Variants in ADGRB3 observed in about 807,000 individuals in gnomAD.
ADGRB3 encodes the protein adhesion G protein-coupled receptor B3.
Under a neutral mutation model 193.4 loss-of-function variants are expected in ADGRB3, and 37 were observed. That is an observed-to-expected ratio of 0.19 (90% confidence interval 0.15 to 0.25). The LOEUF (loss-of-function observed/expected upper bound fraction) is 0.25. Among genes scored for constraint, ADGRB3 ranks in the 10% least tolerant of loss-of-function variants. ADGRB3 has a pLI of 1.00. For synonymous variants in ADGRB3, 690 were observed against 644.2 expected (o/e 1.07, Z -1.08); for missense variants, 1,637 against 1,852.9 (o/e 0.88, Z 2.14).
At chr6:69,177,275 T>C (rs1775452723) in intron 17 of ADGRB3, among the ~76,000 whole-genome samples, 1 of 152,246 alleles carries the variant, frequency 6.6e-6, no homozygotes, top group Non-Finnish European at 1.5e-5. Flanking sequence ...TAAACTTTGC[T>C]CTTTGCTCTT....
At chr6:69,292,791 C>T (rs1767717763) in intron 20 of ADGRB3, among the ~76,000 whole-genome samples, 1 of 151,940 alleles carries the variant, frequency 6.6e-6, no homozygotes, top group Non-Finnish European at 1.5e-5. Flanking sequence ...CATATGTATA[C>T]ATGTGCCATG....
chr6:69,317,667 A>G (rs1307782040), intron 20 of ADGRB3, among the ~76,000 whole-genome samples: 1 of 151,468 alleles, frequency 6.6e-6, no homozygotes, highest in Non-Finnish European at 1.5e-5. Flanking sequence ...ATAAGCAGGT[A>G]GGCTATAACT....
chr6:69,255,481 T>C (rs1766741098), intron 20 of ADGRB3, among the ~76,000 whole-genome samples: 1 of 152,202 alleles, frequency 6.6e-6, no homozygotes. Flanking sequence ...TTTTTTCATG[T>C]GTTTTTTGGC....
At chr6:69,017,808 A>G (rs1054504343) in intron 12 of ADGRB3, among the ~76,000 whole-genome samples, 4 of 151,978 alleles carry the variant, frequency 2.6e-5, no homozygotes, top group African/African-American at 9.7e-5. Context: ...CAATAATCCC[A>G]TAAGTGTGTT....
intron 20 of ADGRB3, among the ~76,000 whole-genome samples, chr6:69,263,564 T>G (rs543924997): frequency 6.6e-6 from 1 of 152,014 alleles, no homozygotes; most frequent in Non-Finnish European, 1.5e-5. Flanking sequence ...TTGCCTCATG[T>G]GCAAGTCTTG....
intron 17 of ADGRB3, among the ~76,000 whole-genome samples, chr6:69,222,864 G>C (rs1765927687): frequency 6.6e-6 from 1 of 152,004 alleles, no homozygotes; most frequent in Non-Finnish European, 1.5e-5. Context: ...GAGTGATATT[G>C]GGATTGTTGC....
chr6:69,383,192 G>T (rs1371903841), intron 31 of ADGRB3, among the ~76,000 whole-genome samples: 1 of 151,858 alleles, frequency 6.6e-6, no homozygotes, highest in East Asian at 1.9e-4. Flanking sequence ...AACTATATTG[G>T]CTTCATCTGA....
At chr6:68,744,420 A>G (rs1766041975) in intron 3 of ADGRB3, among the ~76,000 whole-genome samples, 1 of 152,146 alleles carries the variant, frequency 6.6e-6, no homozygotes, top group Non-Finnish European at 1.5e-5. Context: ...TCATTCTACT[A>G]TGAAGACACA....
intron 3 of ADGRB3, among the ~76,000 whole-genome samples, chr6:68,705,425 T>C (rs938406993): frequency 2.6e-5 from 4 of 152,236 alleles, no homozygotes; most frequent in Non-Finnish European, 4.4e-5. Context: ...ATTTCAGTGG[T>C]CTTGAAAGGG....
intron 17 of ADGRB3, among the ~76,000 whole-genome samples, chr6:69,115,886 A>C (rs1773517252): frequency 6.6e-6 from 1 of 152,254 alleles, no homozygotes; most frequent in Admixed American, 6.5e-5. Context: ...TGTTGCTTAC[A>C]TCTAGGTAAA....
chr6:68,758,753 A>G (rs1296026899), intron 3 of ADGRB3, among the ~76,000 whole-genome samples: 5 of 152,106 alleles, frequency 3.3e-5, no homozygotes, highest in African/African-American at 1.2e-4. Flanking sequence ...CATAGTGCCC[A>G]TTAAGCACTT....
At chr6:68,653,754 A>C (rs1269611831) in intron 3 of ADGRB3, among the ~76,000 whole-genome samples, 1 of 151,958 alleles carries the variant, frequency 6.6e-6, no homozygotes, top group Non-Finnish European at 1.5e-5. Context: ...TAAGAGAAAA[A>C]CATTTATTCT....
At chr6:69,245,459 GA>G (rs1473567915) in intron 20 of ADGRB3, among the ~76,000 whole-genome samples, 2 of 152,038 alleles carry the variant, frequency 1.3e-5, no homozygotes, top group African/African-American at 4.8e-5. Flanking sequence ...TCGTACAAGA[GA>G]AAAACTTCTG....
At chr6:69,016,047 T>G (rs1373208674) in intron 12 of ADGRB3, among the ~76,000 whole-genome samples, 1 of 151,966 alleles carries the variant, frequency 6.6e-6, no homozygotes, top group East Asian at 1.9e-4. Context: ...GAGGCTTATT[T>G]TGTTAATCAT....
intron 6 of ADGRB3, among the ~76,000 whole-genome samples, chr6:68,952,941 A>G (rs774404238): frequency 2.0e-5 from 3 of 152,186 alleles, no homozygotes; most frequent in Non-Finnish European, 4.4e-5. Context: ...TTGAACAACT[A>G]TAACTACAAA....
chr6:68,810,552 A>T lies in ADGRB3; in HGVS notation c.758-120007A>T, dbSNP rs148122371. On this transcript the variant is annotated intron_variant, in intron 3 of 31. Coordinates refer to ENST00000370598, the MANE Select transcript of ADGRB3 (RefSeq NM_001704.3). ...GTCAGTAACTTCTTTGAATCAGAGGAAGTCAACGGATCTTTCCAGGTCTTA... is the reference window on the plus strand; with the variant it reads ...GTCAGTAACTTCTTTGAATCAGAGGTAGTCAACGGATCTTTCCAGGTCTTA... 2.0e-5 allele frequency among the ~76,000 whole-genome samples: 3 copies of T among 152,322 alleles called. No homozygotes were observed. In the East Asian group the frequency reaches 5.8e-4, roughly 29 times the overall value.
At chr6:69,269,050 A>G (rs1415410448) in intron 20 of ADGRB3, among the ~76,000 whole-genome samples, 1 of 152,158 alleles carries the variant, frequency 6.6e-6, no homozygotes, top group Admixed American at 6.6e-5. Context: ...ACACTATACT[A>G]AGCATTTTAT....
chr6:69,085,360 T>G (rs1772516213), intron 17 of ADGRB3, among the ~76,000 whole-genome samples: 1 of 152,198 alleles, frequency 6.6e-6, no homozygotes, highest in South Asian at 2.1e-4. Context: ...ACACAAGAAT[T>G]TTAAAGTAAA....
At chr6:69,018,527 C>T (rs1481066377) in intron 13 of ADGRB3, 28 bp downstream of exon 13, 1 of 1,505,776 alleles carries the variant, frequency 6.6e-7, no homozygotes, top group African/African-American at 1.4e-5. Flanking sequence ...CCCCCAAAAT[C>T]TTTCTGAAAT....
Sources: allele counts gnomAD v4.1 joint callset (sites outside exome capture counted in the v4.1 genomes callset), GRCh38; gene constraint gnomAD v4.1.1; transcripts MANE v1.5; gene names NCBI Gene and HGNC (gene_info 2026-07-23, HGNC 2026-07-21).